MAPRE3: variants seen among roughly 807,000 people sequenced by gnomAD.
MAPRE3 encodes microtubule-associated protein RP/EB family member 3.
MAPRE3 carries 2 observed loss-of-function variants against 30.5 expected under a neutral mutation model. The ratio of observed to expected loss-of-function variants is 0.07; its 90% CI spans 0.03 to 0.21. MAPRE3 has a LOEUF of 0.21. Ranked by LOEUF, MAPRE3 falls within the 10% of genes least tolerant of loss-of-function variation. The probability of loss-of-function intolerance (pLI) is 1.00; values close to 1 mark genes in which losing one functional copy is unlikely to be tolerated. For missense variants in MAPRE3, 204 were observed against 351.8 expected (o/e 0.58, Z 3.36); for synonymous variants, 110 against 127.7 (o/e 0.86, Z 0.93).
chr2:27,024,367 C>T, intron 4 of MAPRE3, 70 bp downstream of exon 4: 2 of 1,415,402 alleles, frequency 1.4e-6, no homozygotes, highest in African/African-American at 1.4e-5. Flanking sequence ...CAGGAGTGCC[C>T]CCTGGGCCAC....
rs182899335 is a variant in MAPRE3, at chr2:26,971,545, C to A, written c.-8+743C>A. Among the ~76,000 whole-genome samples, 641 of 151,170 alleles carry A rather than the reference C, an allele frequency of 4.2e-3. 3 individuals are homozygous for A. The highest frequency in any genetic ancestry group is 4.8e-3 in the Non-Finnish European group (328 of 67,898). On this transcript the variant is annotated intron_variant, in intron 1 of 6. Coordinates refer to ENST00000233121, the MANE Select transcript of MAPRE3 (RefSeq NM_012326.4). ...AGTGGAGGGAAGGGAGAAGAGGTTG[C>A]GTTTGGGAGCTCCAAGTTCCTGCGC...
At position 26,975,387 on chromosome 2, in the gene MAPRE3, AGAGGTAAAGG is replaced by A. The variant is rs554545644; in HGVS notation, c.-8+4591_-8+4600del. On this transcript the variant is annotated intron_variant, in intron 1 of 6. Transcript: ENST00000233121. ...TAAGAGGGAAACCTTGCCAGTGAGC[AGAGGTAAAGG>A]GAGGTCATTTTGGATGGAGAGAATT... Among the ~76,000 whole-genome samples, 94 of 152,334 alleles carry A rather than the reference AGAGGTAAAGG, an allele frequency of 6.2e-4. No individual in the cohort carries two copies. The South Asian group carries it at 0.018, about 30-fold the overall frequency.
chr2:27,024,137 T>C lies in MAPRE3; in HGVS notation c.309T>C (p.Asp103=). ...AATTAGTGAAAGGAAAATTCCAAGA[T>C]AATTTTGAGTTTATTCAGTGGTTTA... ...VEKLVKGKFQ[D]NFEFIQWFKK... is the part of the protein sequence containing the mutation. Residue 103 remains aspartate, a synonymous_variant, in exon 4 of 7, where the codon GAT becomes GAC. Transcript: ENST00000233121. 1 of 1,614,052 alleles carries C rather than the reference T, an allele frequency of 6.2e-7. No homozygotes were observed. Among genetic ancestry groups the C allele is most frequent in the East Asian group, 2.2e-5 (1 of 44,892 alleles).
intron 4 of MAPRE3, among the ~76,000 whole-genome samples, chr2:27,025,021 G>C (rs1667205228): frequency 6.6e-6 from 1 of 152,170 alleles, no homozygotes; most frequent in Non-Finnish European, 1.5e-5. Context: ...TCGCTAGTGA[G>C]CAAGTCGCCA....
intron 1 of MAPRE3, chr2:26,984,978 G>T (rs1245618573): frequency 6.6e-6 from 1 of 152,134 alleles, no homozygotes; most frequent in Non-Finnish European, 1.5e-5. Flanking sequence ...GAAACATAGG[G>T]GCAATGACTT....
chr2:26,977,945 T>C (rs578224430), intron 1 of MAPRE3, among the ~76,000 whole-genome samples: 5 of 152,330 alleles, frequency 3.3e-5, no homozygotes, highest in African/African-American at 1.2e-4. Flanking sequence ...GAAGAACATA[T>C]GGCCTGTCAC....
chr2:27,022,979 C>T (rs1319923964), intron 2 of MAPRE3: 1 of 187,624 alleles, frequency 5.3e-6, no homozygotes. Flanking sequence ...GGGTCCAGCT[C>T]TCAGCTCTTC....
rs1318433155 is a variant in MAPRE3, at chr2:27,015,668, T to C, written c.-7-6544T>C. Among the ~76,000 whole-genome samples the C allele has an allele frequency of 6.6e-6, 1 of 152,156 alleles. No individual in the cohort carries two copies. Among genetic ancestry groups the C allele is most frequent in the African/African-American group, 2.4e-5 (1 of 41,436 alleles). ...CCCCTAAATTACCCTTAAGACATATTTGTGGAAGACAGATTTAAAAACAAA... is the reference window on the plus strand; with the variant it reads ...CCCCTAAATTACCCTTAAGACATATCTGTGGAAGACAGATTTAAAAACAAA... On this transcript the variant is annotated intron_variant, in intron 1 of 6. Transcript: ENST00000233121. This position sits in a 1 kb window ranked among gnomAD's most constrained non-coding sequence, Gnocchi z 4.0.
intron 1 of MAPRE3, among the ~76,000 whole-genome samples, chr2:27,000,875 G>A (rs1051473022): frequency 2.6e-5 from 4 of 152,186 alleles, no homozygotes; most frequent in Non-Finnish European, 4.4e-5. Context: ...CTATTGTCAA[G>A]GACTCATTGC....
chr2:26,991,653 T>G (rs1196880039), intron 1 of MAPRE3, among the ~76,000 whole-genome samples: 1 of 152,190 alleles, frequency 6.6e-6, no homozygotes, highest in Admixed American at 6.5e-5. Context: ...AATTGGCCTA[T>G]TTTCACACAG....
At position 27,026,412 on chromosome 2, in the gene MAPRE3, C is replaced by T. The variant is rs1278001330; in HGVS notation, c.*64C>T. 22 of 1,348,464 alleles carry T rather than the reference C, an allele frequency of 1.6e-5. No individual in the cohort carries two copies. The highest frequency in any genetic ancestry group is 1.4e-5 in the Non-Finnish European group (13 of 955,374). The allele number at this position is 1,348,464 out of a possible 1,614,324, so 83.5% of individuals were successfully genotyped here. On this transcript the variant is annotated 3_prime_UTR_variant, in exon 7 of 7. Coordinates refer to ENST00000233121, the MANE Select transcript of MAPRE3 (RefSeq NM_012326.4). ...TGCCTCCCTCCCTGCTCCACTCCCA[C>T]ATTATAGTCCTTTCCTAACACGGTC...
chr2:26,975,330 T>C (rs1394997338), intron 1 of MAPRE3, among the ~76,000 whole-genome samples: 1 of 152,134 alleles, frequency 6.6e-6, no homozygotes, highest in Non-Finnish European at 1.5e-5. Flanking sequence ...ATCCGTGAGA[T>C]CCAGGGGGCA....
rs1240546483 is a variant in MAPRE3, at chr2:27,022,217, G to T, written c.-2G>T. ...CCTTTCTTCTTGCTTTCCAGCTGGG[G>T]TATGGCCGTCAATGTGTACTCCACA... On this transcript the variant is annotated 5_prime_UTR_variant, in exon 2 of 7. Coordinates refer to ENST00000233121, the MANE Select transcript of MAPRE3 (RefSeq NM_012326.4). 3.7e-6 allele frequency: 6 copies of T among 1,613,426 alleles called. No homozygotes were observed. The African/African-American group carries it at 6.7e-5, about 18-fold the overall frequency.
At chr2:26,987,452 C>T (rs1180112874) in intron 1 of MAPRE3, among the ~76,000 whole-genome samples, 1 of 151,992 alleles carries the variant, frequency 6.6e-6, no homozygotes, top group Non-Finnish European at 1.5e-5. Context: ...GCCTGGCCAA[C>T]ATAGTGAAAC....
rs199768218 is a variant in MAPRE3, at chr2:26,973,551, T to G, written c.-8+2749T>G. Among the ~76,000 whole-genome samples the G allele has an allele frequency of 1.7e-3, 253 of 150,840 alleles. 2 individuals carry two copies. Among genetic ancestry groups the G allele is most frequent in the African/African-American group, 5.5e-3 (225 of 41,234 alleles). ...GAAGCCGAACAGAAAATATAGTTTT[T>G]TTTTTTTTTTTTTTGAGACGGAGTC... On this transcript the variant is annotated intron_variant, in intron 1 of 6. Transcript: ENST00000233121.
chr2:26,996,831 T>C (rs984818897), intron 1 of MAPRE3: 1 of 151,386 alleles, frequency 6.6e-6, no homozygotes, highest in African/African-American at 2.4e-5. Context: ...AATAAATAAA[T>C]AAATAAAAAT....
intron 1 of MAPRE3, among the ~76,000 whole-genome samples, chr2:27,009,039 G>T (rs1438047136): frequency 7.0e-6 from 1 of 143,038 alleles, no homozygotes; most frequent in Non-Finnish European, 1.5e-5. Context: ...GTGGCCAGGG[G>T]ATAGGGTTGG....
intron 2 of MAPRE3, 25 bp downstream of exon 2, chr2:27,022,364 T>C: frequency 6.2e-7 from 1 of 1,610,752 alleles, no homozygotes; most frequent in South Asian, 1.1e-5. Context: ...ATATGGGAAG[T>C]GGCCCTGCTG....
intron 1 of MAPRE3, among the ~76,000 whole-genome samples, chr2:26,990,463 G>A (rs943849030): frequency 2.6e-5 from 4 of 152,050 alleles, no homozygotes; most frequent in Non-Finnish European, 4.4e-5. Flanking sequence ...CTTTGCAGAG[G>A]AATGAATCCT....
Sources: gnomAD v4.1 joint callset for allele counts (sites outside exome capture counted in the v4.1 genomes callset) on GRCh38, gnomAD v4.1.1 for gene constraint, Gnocchi (gnomAD v3.1) non-coding constraint, MANE v1.5 for transcripts, NCBI Gene and HGNC (gene_info 2026-07-23, HGNC 2026-07-21) for gene names.